TENM4: variants seen among roughly 807,000 people sequenced by gnomAD.
The protein encoded by TENM4 is teneurin transmembrane protein 4.
In TENM4, 82 loss-of-function variants were observed where a neutral mutation model predicts 243.3. The ratio of observed to expected loss-of-function variants is 0.34; its 90% CI spans 0.28 to 0.40. The LOEUF is 0.40. Among genes scored for constraint, TENM4 ranks in the 10% least tolerant of loss-of-function variants. The pLI, the probability that TENM4 is intolerant of heterozygous loss-of-function variation, is 1.00. For synonymous variants in TENM4, 1,412 were observed against 1,456.3 expected (o/e 0.97, Z 0.69); for missense variants, 3,138 against 3,673.3 (o/e 0.85, Z 3.77).
At chr11:79,164,957 A>ATATATGTGTGTG (rs1555020448) in intron 3 of TENM4, among the ~76,000 whole-genome samples, 9 of 139,862 alleles carry the variant, frequency 6.4e-5, no homozygotes, top group African/African-American at 2.1e-4. Context: ...CTATATATAT[A>ATATATGTGTGTG]TGTGTGTGTG....
At chr11:78,975,907 C>T (rs189310732) in intron 6 of TENM4, among the ~76,000 whole-genome samples, 1 of 152,036 alleles carries the variant, frequency 6.6e-6, no homozygotes, top group Admixed American at 6.6e-5. Flanking sequence ...CCTCATGCCC[C>T]TTGAAAGTGT....
intron 6 of TENM4, among the ~76,000 whole-genome samples, chr11:78,953,583 C>T (rs891693678): frequency 4.6e-5 from 7 of 151,826 alleles, no homozygotes; most frequent in African/African-American, 1.5e-4. Flanking sequence ...CAATGGTTGA[C>T]TGAATATCAA....
At chr11:78,825,528 C>T (rs751108312) in intron 12 of TENM4, among the ~76,000 whole-genome samples, 12 of 152,018 alleles carry the variant, frequency 7.9e-5, no homozygotes, top group Non-Finnish European at 1.6e-4. Flanking sequence ...CTTTGAGAAC[C>T]GCTCGTCTGG....
intron 3 of TENM4, among the ~76,000 whole-genome samples, chr11:79,187,694 G>C (rs1863404026): frequency 6.6e-6 from 1 of 152,124 alleles, no homozygotes; most frequent in Non-Finnish European, 1.5e-5. Context: ...CCTTAAAAAA[G>C]TTAATTAAGG....
At chr11:78,812,726 C>T (rs1857525275) in intron 13 of TENM4, among the ~76,000 whole-genome samples, 1 of 152,174 alleles carries the variant, frequency 6.6e-6, no homozygotes, top group Admixed American at 6.5e-5. Flanking sequence ...CACTTCCCCA[C>T]ACCTCATCTG....
chr11:79,081,917 C>G (rs1313062047), intron 4 of TENM4, among the ~76,000 whole-genome samples: 1 of 152,164 alleles, frequency 6.6e-6, no homozygotes, highest in Admixed American at 6.5e-5. Context: ...GTCCTTCCCT[C>G]CCTCAGCTGG....
At chr11:78,782,880 G>A (rs1396644947) in intron 16 of TENM4, among the ~76,000 whole-genome samples, 1 of 151,998 alleles carries the variant, frequency 6.6e-6, no homozygotes, top group East Asian at 1.9e-4. Context: ...CATCTTCAGG[G>A]TATCATTTTG....
At chr11:79,254,388 A>G (rs1366340817) in intron 2 of TENM4, among the ~76,000 whole-genome samples, 11 of 152,224 alleles carry the variant, frequency 7.2e-5, no homozygotes, top group Non-Finnish European at 1.5e-4. Flanking sequence ...TGTCAAAGGG[A>G]AAACCCAAGA....
intron 4 of TENM4, among the ~76,000 whole-genome samples, chr11:79,124,404 G>A (rs1288237229): frequency 1.3e-5 from 2 of 152,104 alleles, no homozygotes; most frequent in Non-Finnish European, 2.9e-5. Flanking sequence ...AATGTGAAAG[G>A]AGGGACTGGC....
intron 3 of TENM4, among the ~76,000 whole-genome samples, chr11:79,169,587 A>G (rs1349926255): frequency 6.6e-6 from 1 of 152,106 alleles, no homozygotes; most frequent in Non-Finnish European, 1.5e-5. Context: ...AGGCTCTTTG[A>G]CACAGTTTTC....
At chr11:79,026,506 G>C (rs1859083194) in intron 6 of TENM4, among the ~76,000 whole-genome samples, 1 of 152,180 alleles carries the variant, frequency 6.6e-6, no homozygotes, top group African/African-American at 2.4e-5. Flanking sequence ...GAGCAGGGAG[G>C]ACATCTTCCA....
At chr11:79,033,958 T>C (rs1859310974) in intron 6 of TENM4, among the ~76,000 whole-genome samples, 1 of 152,170 alleles carries the variant, frequency 6.6e-6, no homozygotes, top group Non-Finnish European at 1.5e-5. Context: ...TCATTAATCA[T>C]AGGAGGCATT....
intron 6 of TENM4, among the ~76,000 whole-genome samples, chr11:78,935,302 C>T (rs182380733): frequency 3.1e-3 from 478 of 152,190 alleles, no homozygotes; most frequent in African/African-American, 0.011. Flanking sequence ...TGAGCCACCG[C>T]GCCTGGCCGG....
intron 6 of TENM4, among the ~76,000 whole-genome samples, chr11:79,025,883 G>A (rs922221404): frequency 3.3e-5 from 5 of 152,186 alleles, no homozygotes; most frequent in African/African-American, 4.8e-5. Context: ...TGTGTGCTAC[G>A]GGGCTGGCTC....
intron 6 of TENM4, among the ~76,000 whole-genome samples, chr11:79,005,869 C>A (rs1051169824): frequency 6.6e-6 from 1 of 152,150 alleles, no homozygotes; most frequent in East Asian, 1.9e-4. Context: ...CCAAAAGCTC[C>A]TAGATCTGAT....
intron 6 of TENM4, among the ~76,000 whole-genome samples, chr11:79,016,196 G>A (rs577002863): frequency 6.6e-6 from 1 of 152,146 alleles, no homozygotes; most frequent in Non-Finnish European, 1.5e-5. Context: ...TTGTATAGGG[G>A]GCAAGAGTGG....
intron 6 of TENM4, among the ~76,000 whole-genome samples, chr11:78,926,834 G>T (rs532787005): frequency 1.3e-5 from 2 of 152,032 alleles, no homozygotes; most frequent in African/African-American, 4.8e-5. Flanking sequence ...CCAGTGATTA[G>T]GAGAACCATC....
intron 1 of TENM4, among the ~76,000 whole-genome samples, chr11:79,373,173 G>C (rs539712479): frequency 2.0e-5 from 3 of 152,106 alleles, no homozygotes; most frequent in Non-Finnish European, 4.4e-5. Context: ...GATACTCAAC[G>C]CCTGTTAGAT....
At position 78,670,322 on chromosome 11, in the gene TENM4, C is replaced by T. The variant is rs947675854; in HGVS notation, c.6023G>A (p.Arg2008His). ...TTTGCCATACTTGTATATCACCCTGCGGCCAGTGCCCAGGTAGAAGGTGTG... is the reference window on the plus strand; with the variant it reads ...TTTGCCATACTTGTATATCACCCTGTGGCCAGTGCCCAGGTAGAAGGTGTG... ...LLHTFYLGTG[R>H]RVIYKYGKLS... The change falls in exon 32 of 34, where the codon CGC becomes CAC. Residue 2008 changes from arginine to histidine, a missense_variant. Arg to His is a conservative substitution (Grantham distance 29). This residue lies in a region of TENM4 where 2,467 missense variants were observed against 3,059.1 expected (regional missense o/e 0.81). Transcript: ENST00000278550. 5 of 1,613,746 alleles carry T rather than the reference C, an allele frequency of 3.1e-6. No individual in the cohort carries two copies. Among genetic ancestry groups the T allele is most frequent in the Non-Finnish European group, 4.2e-6 (5 of 1,179,848 alleles).
Sources: allele counts gnomAD v4.1 joint callset (sites outside exome capture counted in the v4.1 genomes callset), GRCh38; gene constraint gnomAD v4.1.1; regional missense constraint gnomAD v4.1.1; transcripts MANE v1.5; gene names NCBI Gene and HGNC (gene_info 2026-07-23, HGNC 2026-07-21).